Variants in ZNF185 observed in about 807,000 individuals in gnomAD.
ZNF185 encodes zinc finger protein 185 with LIM domain, also known as zinc finger protein 185.
In ZNF185, 56 loss-of-function variants were observed where a neutral mutation model predicts 58.6. The ratio of observed to expected loss-of-function variants is 0.95; its 90% confidence interval spans 0.77 to 1.19. The LOEUF (loss-of-function observed/expected upper bound fraction) is 1.19, where lower values mean the gene tolerates loss of function less well. Ranked by LOEUF, ZNF185 falls within the 50% of genes most tolerant of loss-of-function variation. ZNF185 has a pLI of 0.00. For synonymous variants in ZNF185, 230 were observed against 215.9 expected, an observed-to-expected ratio of 1.07 and a Z score of -0.57; for missense variants, 627 against 573.5, an observed-to-expected ratio of 1.09 and a Z score of -0.95.
intron 11 of ZNF185, among the ~76,000 whole-genome samples, chrX:152,923,922 A>G (rs967270809): frequency 2.7e-5 from 3 of 111,483 alleles, no homozygotes; most frequent in African/African-American, 9.8e-5. Context: ...AGGCTGCCAC[A>G]ACAAAGTATT....
the ZNF185 span, among the ~76,000 whole-genome samples, chrX:152,901,288 C>T: frequency 1.9e-5 from 2 of 103,778 alleles, no homozygotes; most frequent in South Asian, 8.9e-4. Flanking sequence ...GTCACCCAGG[C>T]TGGTGTACAG....
chrX:152,904,438 G>A, the ZNF185 span, among the ~76,000 whole-genome samples: 6 of 112,808 alleles, frequency 5.3e-5, no homozygotes, highest in African/African-American at 1.9e-4. Context: ...GCTGACTGTT[G>A]CCTTGCCAGC....
At chrX:152,959,373 A>G (rs1031972637) in intron 16 of ZNF185, among the ~76,000 whole-genome samples, 15 of 112,710 alleles carry the variant, frequency 1.3e-4, no homozygotes, top group African/African-American at 4.5e-4. Context: ...GAGGCGGGAA[A>G]GAACTGGAGA....
intron 16 of ZNF185, among the ~76,000 whole-genome samples, chrX:152,951,862 T>A (rs1321088735): frequency 8.9e-6 from 1 of 112,331 alleles, no homozygotes; most frequent in East Asian, 2.7e-4. Flanking sequence ...GTCTAGTGAC[T>A]AAGTATTTTA....
chrX:152,923,239 C>T (rs1320639334), intron 11 of ZNF185, among the ~76,000 whole-genome samples: 1 of 112,037 alleles, frequency 8.9e-6, no homozygotes, highest in African/African-American at 3.2e-5. Context: ...CCCAGGCCCC[C>T]AAGGGCTGTT....
intron 16 of ZNF185, 76 bp downstream of exon 18, chrX:152,945,540 A>G: frequency 9.5e-7 from 1 of 1,049,248 alleles, no homozygotes; most frequent in Middle Eastern, 2.6e-4. Context: ...CATGGGAACC[A>G]CTTCCCCACA....
intron 5 of ZNF185, chrX:152,917,856 C>A: frequency 3.7e-6 from 4 of 1,077,320 alleles, no homozygotes; most frequent in Non-Finnish European, 4.8e-6. Context: ...GGCAAGAGCC[C>A]GCTGGGCTGT....
At chrX:152,958,651 G>C (rs1264339186) in intron 16 of ZNF185, among the ~76,000 whole-genome samples, 2 of 108,629 alleles carry the variant, frequency 1.8e-5, no homozygotes, top group Non-Finnish European at 3.8e-5. Flanking sequence ...AGAATCTCTG[G>C]AACCCGGGAG....
intron 3 of ZNF185, among the ~76,000 whole-genome samples, chrX:152,916,661 C>T (rs1556865937): frequency 8.9e-6 from 1 of 112,565 alleles, no homozygotes; most frequent in South Asian, 3.7e-4. Context: ...CCTTCAAGCC[C>T]TCATGCACCT....
chrX:152,914,807 G>C, exon 2 of ZNF185: 2 of 1,187,386 alleles, frequency 1.7e-6, no homozygotes, highest in Non-Finnish European at 2.3e-6. Context: ...GGATTACCAA[G>C]CAGGATGAAT....
At chrX:152,936,978 A>C (rs2046372379) in intron 14 of ZNF185, among the ~76,000 whole-genome samples, 2 of 111,715 alleles carry the variant, frequency 1.8e-5, no homozygotes, top group Non-Finnish European at 3.8e-5. Context: ...ACAAAGGTAC[A>C]ATGGGAAGAA....
intron 16 of ZNF185, among the ~76,000 whole-genome samples, chrX:152,950,122 AGT>A (rs1295061521): frequency 8.9e-6 from 1 of 112,552 alleles, no homozygotes; most frequent in African/African-American, 3.2e-5. Context: ...TGGATTCCTT[AGT>A]CATTTGAAAG....
chrX:152,952,847 T>TG (rs1491030145), intron 16 of ZNF185, among the ~76,000 whole-genome samples: 2 of 100,756 alleles, frequency 2.0e-5, no homozygotes, highest in African/African-American at 7.0e-5. Flanking sequence ...TTTTTTTTTT[T>TG]TGCCAGTTTT....
At chrX:152,950,616 A>G (rs897808149) in intron 16 of ZNF185, among the ~76,000 whole-genome samples, 1 of 111,924 alleles carries the variant, frequency 8.9e-6, no homozygotes, top group African/African-American at 3.3e-5. Context: ...AATTTATACA[A>G]TATTAAATAA....
chrX:152,973,453 TAATA>T (rs1483605766), exon 23 of ZNF185: 10 of 112,734 alleles, frequency 8.9e-5, no homozygotes, highest in Non-Finnish European at 1.3e-4. Flanking sequence ...TGCGCAATTA[TAATA>T]AATGGTAAGA....
rs782804103 is a variant in ZNF185, at chrX:152,917,051, C to T, written c.225-80C>T. 4.3e-6 allele frequency: 5 copies of T among 1,168,082 alleles called. No individual in the cohort carries two copies. In the African/African-American group the frequency reaches 5.3e-5, roughly 12 times the overall value. On this transcript the variant is annotated intron_variant, in intron 3 of 22. Coordinates refer to ENST00000449285, the Ensembl canonical transcript of ZNF185. ...CTTGCCAGCCAATCTTATTTGCTAT[C>T]GTTAAGGGCAGGATAAAGTAGGATG...
chrX:152,939,056 A>G (rs2046813272), intron 15 of ZNF185, among the ~76,000 whole-genome samples: 1 of 111,757 alleles, frequency 8.9e-6, no homozygotes, highest in Non-Finnish European at 1.9e-5. Flanking sequence ...AGGGCCACAG[A>G]TGGAGCAGGG....
In ZNF185 at chrX:152,915,218, T is replaced by C. The variant is rs782278917; in HGVS notation, c.224+15T>C. 6.9e-5 allele frequency: 83 copies of C among 1,205,014 alleles called. No homozygotes were observed. The Admixed American group carries it at 1.8e-3, about 26-fold the overall frequency. ...CCGAAGCCTAGGTAAGAGGTGGTGC[T>C]CAGGTGGCTGGTGGGTCAGCCCCAG... On this transcript the variant is annotated intron_variant, in intron 3 of 22. Coordinates refer to ENST00000449285, the Ensembl canonical transcript of ZNF185.
chrX:152,931,736 G>T, exon 13 of ZNF185: 1 of 1,210,449 alleles, frequency 8.3e-7, no homozygotes, highest in Non-Finnish European at 1.1e-6. Flanking sequence ...GGACTTGGCT[G>T]GTGAGGAGGC....
Sources: gnomAD v4.1 joint callset for allele counts (sites outside exome capture counted in the v4.1 genomes callset) on GRCh38, gnomAD v4.1.1 for gene constraint, MANE v1.5 for transcripts, NCBI Gene and HGNC (gene_info 2026-07-23, HGNC 2026-07-21) for gene names.